SMAD3: variants seen among roughly 807,000 people sequenced by gnomAD.
SMAD3 encodes the protein MAD homolog 3.
Under a neutral mutation model 51.8 loss-of-function variants are expected in SMAD3, and 12 were observed. The ratio of observed to expected loss-of-function variants is 0.23; its 90% CI spans 0.15 to 0.38. SMAD3 has a LOEUF of 0.38. Among genes scored for constraint, SMAD3 ranks in the 10% least tolerant of loss-of-function variants. The pLI is 1.00. For synonymous variants in SMAD3, 238 were observed against 227.7 expected, an observed-to-expected ratio of 1.05 and a Z score of -0.41; for missense variants, 294 against 565.6, an observed-to-expected ratio of 0.52 and a Z score of 4.87.
chr15:67,119,164 A>G (rs528547562), intron 1 of SMAD3, among the ~76,000 whole-genome samples: 1 of 152,328 alleles, frequency 6.6e-6, no homozygotes, highest in Non-Finnish European at 1.5e-5. Flanking sequence ...GAGACAGAGG[A>G]AAAGCAAGAT....
At chr15:67,185,137 C>T (rs1396945655) in intron 7 of SMAD3, among the ~76,000 whole-genome samples, 6 of 151,810 alleles carry the variant, frequency 4.0e-5, no homozygotes, top group Non-Finnish European at 7.4e-5. Flanking sequence ...AGTATGGCTT[C>T]CTTTCTTCAC....
chr15:67,129,565 A>T (rs569125205), intron 1 of SMAD3, among the ~76,000 whole-genome samples: 1 of 152,366 alleles, frequency 6.6e-6, no homozygotes, highest in East Asian at 1.9e-4. Flanking sequence ...AGGAAAAAAC[A>T]CAGTGTCTAT....
In SMAD3 at chr15:67,165,051, C is replaced by T. The variant is rs760286714; in HGVS notation, c.363C>T (p.Cys121=). The T allele has an allele frequency of 3.2e-5, 51 of 1,614,056 alleles. No individual in the cohort carries two copies. In the South Asian group the frequency reaches 4.2e-4, roughly 13 times the overall value. ...FAFNMKKDEV[C]VNPYHYQRVE... ...TCAATATGAAGAAGGACGAGGTCTG[C>T]GTGAATCCCTACCACTACCAGAGAG... Residue 121 remains cysteine (C), a synonymous_variant, in exon 2 of 9, where the codon TGC becomes TGT. Coordinates refer to ENST00000327367, the MANE Select transcript of SMAD3 (RefSeq NM_005902.4).
In SMAD3 at chr15:67,187,425, A is replaced by C; in HGVS notation, c.1070A>C (p.Asn357Thr). ...EFAALLAQSV[N>T]QGFEAVYQLT... is the part of the protein sequence containing the mutation. ...GCTGCCCTCCTGGCCCAGTCGGTCA[A>C]CCAGGGCTTTGAGGCTGTCTACCAG... is the stretch of plus-strand genomic sequence containing the variant. Residue 357 changes from asparagine to threonine, a missense_variant, in exon 8 of 9, where the codon AAC becomes ACC. Physicochemically the swap from Asn to Thr is moderately conservative, Grantham distance 65 (BLOSUM62 0). Around this residue, in one of 3 missense-constraint regions of SMAD3, gnomAD observed 118 missense variants for 278.0 expected, o/e 0.42. Coordinates refer to ENST00000327367, the MANE Select transcript of SMAD3 (RefSeq NM_005902.4). The C allele has an allele frequency of 6.2e-7, 1 of 1,614,176 alleles. No individual in the cohort carries two copies. Among genetic ancestry groups the C allele is most frequent in the Non-Finnish European group, 8.5e-7 (1 of 1,180,024 alleles).
intron 1 of SMAD3, among the ~76,000 whole-genome samples, chr15:67,072,566 C>G (rs1421477725): frequency 2.0e-5 from 3 of 152,234 alleles, no homozygotes; most frequent in Non-Finnish European, 4.4e-5. Context: ...ATTCCCTCCC[C>G]CAAATCCCCA....
intron 1 of SMAD3, among the ~76,000 whole-genome samples, chr15:67,075,633 G>C (rs559345290): frequency 6.6e-6 from 1 of 152,318 alleles, no homozygotes; most frequent in African/African-American, 2.4e-5. Flanking sequence ...CAACCCAAGT[G>C]GCCGGGCACG....
intron 1 of SMAD3, among the ~76,000 whole-genome samples, chr15:67,081,525 C>T (rs1960279188): frequency 6.6e-6 from 1 of 152,086 alleles, no homozygotes; most frequent in Non-Finnish European, 1.5e-5. Flanking sequence ...ACTTGAAACC[C>T]AACAAATAGC....
intron 1 of SMAD3, among the ~76,000 whole-genome samples, chr15:67,088,926 T>TA (rs1196806013): frequency 6.6e-6 from 1 of 151,508 alleles, no homozygotes; most frequent in Non-Finnish European, 1.5e-5. Context: ...GACTCTGTCT[T>TA]AAAAAAAAGG....
chr15:67,125,679 A>G (rs1425230882), intron 1 of SMAD3: 2 of 982,906 alleles, frequency 2.0e-6, no homozygotes, highest in East Asian at 2.2e-4. Context: ...AAGACAACTG[A>G]CTCCTCTGAG....
chr15:67,152,036 ATTG>A (rs1962161576), intron 1 of SMAD3, among the ~76,000 whole-genome samples: 1 of 152,190 alleles, frequency 6.6e-6, no homozygotes, highest in Non-Finnish European at 1.5e-5. Flanking sequence ...ATAATATATT[ATTG>A]TTAAGTATAA....
rs150347282 is a variant in SMAD3, at chr15:67,176,854, T to C, written c.659-4387T>C. On this transcript the variant is annotated intron_variant, in intron 5 of 8. Coordinates refer to ENST00000327367, the MANE Select transcript of SMAD3 (RefSeq NM_005902.4). Reference sequence around the variant, plus strand: ...ACACCTCTGCACTGGGAGGAGAGATTAGCACAGACTCAGAAATCTGGCCAG... The same window carrying C: ...ACACCTCTGCACTGGGAGGAGAGATCAGCACAGACTCAGAAATCTGGCCAG... 2.0e-4 allele frequency among the ~76,000 whole-genome samples: 31 copies of C among 152,240 alleles called. No homozygotes were observed. The East Asian group carries it at 5.8e-3, about 29-fold the overall frequency.
Position 67,166,844 on chromosome 15 carries a change from A to G in SMAD3, c.598A>G (p.Met200Val). ...ETSDHQMNHS[M>V]DAGSPNLSPN... ...CAGTGACCACCAGATGAACCACAGC[A>G]TGGACGCAGGTCAGTCATGCAGGGT... The change falls in exon 4 of 9, where the codon ATG (methionine) becomes GTG (valine). Residue 200 changes from methionine (M) to valine (V), a missense_variant. By Grantham distance (21) the Met-to-Val change is conservative. Coordinates refer to ENST00000327367, the MANE Select transcript of SMAD3 (RefSeq NM_005902.4). The G allele has an allele frequency of 1.3e-6, 2 of 1,591,792 alleles. No individual in the cohort carries two copies.
chr15:67,085,713 C>T (rs757514309), intron 1 of SMAD3, among the ~76,000 whole-genome samples: 19 of 152,128 alleles, frequency 1.2e-4, no homozygotes, highest in Non-Finnish European at 2.4e-4. Context: ...ACAGGCCGGC[C>T]TGGGGAAATC....
chr15:67,184,691 A>T, intron 6 of SMAD3, 36 bp from the exon 7 acceptor site: 1 of 1,613,342 alleles, frequency 6.2e-7, no homozygotes, highest in Non-Finnish European at 8.5e-7. Flanking sequence ...TGTGTGAGCA[A>T]AGGCACCCTG....
chr15:67,098,349 A>AGG (rs757249472), intron 1 of SMAD3, among the ~76,000 whole-genome samples: 33 of 131,812 alleles, frequency 2.5e-4, no homozygotes, highest in African/African-American at 7.0e-4. Context: ...GGAGGGAGGG[A>AGG]GAGAGCGAGC....
intron 1 of SMAD3, among the ~76,000 whole-genome samples, chr15:67,139,055 T>C (rs2140262248): frequency 6.6e-6 from 1 of 152,330 alleles, no homozygotes; most frequent in South Asian, 2.1e-4. Context: ...TTGTGCCTTA[T>C]ATTAGCTCTC....
chr15:67,188,197 G>C (rs928832243), intron 8 of SMAD3, among the ~76,000 whole-genome samples: 1 of 134,940 alleles, frequency 7.4e-6, no homozygotes, highest in East Asian at 2.3e-4. Flanking sequence ...TGTCATCCAA[G>C]CTGAAGTGAG....
At chr15:67,137,928 A>C (rs769863412) in intron 1 of SMAD3, 687 of 811,270 alleles carry the variant, frequency 8.5e-4, no homozygotes, top group Non-Finnish European at 1.0e-3. Flanking sequence ...CGACAGAGAA[A>C]ATAGGAGGTA....
At chr15:67,073,128 C>CCAAA (rs10623688) in intron 1 of SMAD3, among the ~76,000 whole-genome samples, 61,299 of 151,700 alleles carry the variant, frequency 0.4, 12,727 homozygotes, top group South Asian at 0.58. Flanking sequence ...TTTTTTGGTG[C>CCAAA]CAAACCACAT....
Sources: allele counts gnomAD v4.1 joint callset (sites outside exome capture counted in the v4.1 genomes callset), GRCh38; gene constraint gnomAD v4.1.1; regional missense constraint gnomAD v4.1.1; transcripts MANE v1.5; gene names NCBI Gene and HGNC (gene_info 2026-07-23, HGNC 2026-07-21).